Variants in GUCY2D observed in about 807,000 individuals in gnomAD.
GUCY2D encodes the protein guanylate cyclase 2D, retinal.
In GUCY2D, 70 loss-of-function variants were observed where a neutral mutation model predicts 101.3. The observed-to-expected ratio is 0.69, with a 90% CI of 0.57 to 0.84. GUCY2D has a LOEUF of 0.84. Among genes scored for constraint, GUCY2D ranks in the 40% least tolerant of loss-of-function variants. The probability of loss-of-function intolerance (pLI) is 0.00; values close to 1 mark genes in which losing one functional copy is unlikely to be tolerated. For synonymous variants in GUCY2D, 688 were observed against 670.7 expected (o/e 1.03, Z -0.40); for missense variants, 1,460 against 1,542.5 (o/e 0.95, Z 0.90).
rs148394581 is a variant in GUCY2D at position 8,011,338 on chromosome 17, G to A, written c.1750-806G>A. Among the ~76,000 whole-genome samples the A allele has an allele frequency of 4.0e-5, 6 of 151,818 alleles. No individual in the cohort carries two copies. The highest frequency in any genetic ancestry group is 4.2e-4 in the South Asian group (2 of 4,816). On this transcript the variant is annotated intron_variant, in intron 8 of 19. Transcript: ENST00000254854. The surrounding 1 kb of genome is among the most constrained non-coding windows in gnomAD (Gnocchi z 4.3). ...AGGTTGCAGTGACCCGAGATTGCAC[G>A]ACTGCAATCCAGCCTGGGTGACAGA...
chr17:8,004,258 C>A, intron 3 of GUCY2D, 102 bp downstream of exon 3: 1 of 1,103,906 alleles, frequency 9.1e-7, no homozygotes, highest in Non-Finnish European at 1.3e-6. Context: ...CCACTGGCAG[C>A]TCTAGCTGTT....
chr17:8,014,831 A>G lies in GUCY2D; in HGVS notation c.2577-28A>G. The G allele has an allele frequency of 1.2e-6, 2 of 1,613,716 alleles. No individual in the cohort carries two copies. The highest frequency in any genetic ancestry group is 1.7e-6 in the Non-Finnish European group (2 of 1,179,740). ...AGCCCAGCCAGGTAGAGTGGCCCCC[A>G]GGTGACCTCACTGCCTGCCATCCCT... On this transcript the variant is annotated intron_variant, in intron 13 of 19. Coordinates refer to ENST00000254854, the MANE Select transcript of GUCY2D (RefSeq NM_000180.4). This position sits in a 1 kb window ranked among gnomAD's most constrained non-coding sequence, Gnocchi z 4.0.
At position 8,014,639 on chromosome 17, in the gene GUCY2D, T is replaced by C; in HGVS notation, c.2451T>C (p.Ile817=). The part of the protein sequence containing the change: ...NINKGRKTNI[I]DSMLRMLEQY... Reference sequence around the variant, plus strand: ...ACAAGGGCCGGAAGACGAACATCATTGACTCGATGCTTCGGATGCTGGAGC... The same window carrying C: ...ACAAGGGCCGGAAGACGAACATCATCGACTCGATGCTTCGGATGCTGGAGC... The change falls in exon 13 of 20, where the codon ATT becomes ATC. Residue 817 remains isoleucine (I), a synonymous_variant. Transcript: ENST00000254854. The surrounding 1 kb of genome is among the most constrained non-coding windows in gnomAD (Gnocchi z 4.0). 1 of 1,614,102 alleles carries C rather than the reference T, an allele frequency of 6.2e-7. No homozygotes were observed. Among genetic ancestry groups the C allele is most frequent in the Non-Finnish European group, 8.5e-7 (1 of 1,179,968 alleles).
In GUCY2D at chr17:8,004,113, C is replaced by T. The variant is rs56280231; in HGVS notation, c.983C>T (p.Ala328Val). 1 of 1,599,506 alleles carries T rather than the reference C, an allele frequency of 6.3e-7. No homozygotes were observed. Among genetic ancestry groups the T allele is most frequent in the South Asian group, 1.1e-5 (1 of 90,970 alleles). The stretch of plus-strand genomic sequence containing the variant: ...AGCGTGCTGGACAGCCTGCGCAGGG[C>T]TCAAGAGCGCCGCGAGCTGCCCTCT... Reference protein sequence around the residue: ...EGSVLDSLRRAQERRELPSDL... With the variant: ...EGSVLDSLRRVQERRELPSDL... The change falls in exon 3 of 20, where the codon GCT (alanine) becomes GTT (valine). Residue 328 changes from alanine to valine, a missense_variant. Physicochemically the swap from Ala to Val is moderately conservative, Grantham distance 64. Around this residue, in one of 3 missense-constraint regions of GUCY2D, gnomAD observed 1,196 missense variants for 1,229.6 expected, o/e 0.97. Coordinates refer to ENST00000254854, the MANE Select transcript of GUCY2D (RefSeq NM_000180.4).
Position 8,011,952 on chromosome 17 carries a change from A to C in GUCY2D, c.1750-192A>C, listed in dbSNP as rs1975858237. 6.6e-6 allele frequency among the ~76,000 whole-genome samples: 1 copy of C among 152,202 alleles called. No homozygotes were observed. The highest frequency in any genetic ancestry group is 2.4e-5 in the African/African-American group (1 of 41,454). On this transcript the variant is annotated intron_variant, in intron 8 of 19. Transcript: ENST00000254854. The surrounding 1 kb of genome is among the most constrained non-coding windows in gnomAD (Gnocchi z 4.3). ...CTCAGTATCCAAACAGTGGCCTTTG[A>C]CTATATTGTTTTTTCCAAAAATAGG...
Position 8,002,799 on chromosome 17 carries a change from A to G in GUCY2D, c.-10+65A>G. The stretch of plus-strand genomic sequence containing the variant: ...TGAGGGCGCAGGCGAGTCCCTGCTG[A>G]CCCCTGACGCCTCCGACGGGGGGAG... On this transcript the variant is annotated intron_variant, in intron 1 of 19. Coordinates refer to ENST00000254854, the MANE Select transcript of GUCY2D (RefSeq NM_000180.4). This position sits in a 1 kb window ranked among gnomAD's most constrained non-coding sequence, Gnocchi z 4.9. The G allele has an allele frequency of 7.9e-6, 4 of 505,410 alleles. No individual in the cohort carries two copies. Among genetic ancestry groups the G allele is most frequent in the Non-Finnish European group, 1.0e-5 (3 of 287,776 alleles). The allele number at this position is 505,410 out of a possible 1,614,324, so 31.3% of individuals were successfully genotyped here. A position where few individuals can be genotyped will look rare whatever the true frequency, so the allele number is the denominator to read the frequency against.
rs766418901 is a variant in GUCY2D, at chr17:8,015,353, T to G, written c.2795T>G (p.Met932Arg). 2 of 1,609,898 alleles carry G rather than the reference T, an allele frequency of 1.2e-6. No homozygotes were observed. Among genetic ancestry groups the G allele is most frequent in the Admixed American group, 1.7e-5 (1 of 60,030 alleles). Reference protein sequence around the residue: ...YKVETIGDAYMVASGLPQRNG... With the variant: ...YKVETIGDAYRVASGLPQRNG... ...GTGGAGACAATAGGGGACGCCTATA[T>G]GGTGGCCTCGGGGCTGCCCCAGCGG... The change falls in exon 15 of 20, where the codon ATG (methionine) becomes AGG (arginine). Residue 932 changes from methionine to arginine, a missense_variant. Coordinates refer to ENST00000254854, the MANE Select transcript of GUCY2D (RefSeq NM_000180.4).
At chr17:8,006,186 G>A (rs976958240) in intron 3 of GUCY2D, among the ~76,000 whole-genome samples, 177 bp from the exon 4 acceptor site, 1 of 146,370 alleles carries the variant, frequency 6.8e-6, no homozygotes, top group Non-Finnish European at 1.5e-5. Context: ...AGCCAATGGG[G>A]AGGGAGGAAG....
intron 19 of GUCY2D, chr17:8,016,825 C>A (rs1307700033): frequency 4.5e-6 from 2 of 445,658 alleles, no homozygotes; most frequent in Admixed American, 7.5e-5. Flanking sequence ...AGTGCATAAA[C>A]CTGGCTTCCG....
In GUCY2D at chr17:8,006,718, A is replaced by T; in HGVS notation, c.1378+4A>T. The stretch of plus-strand genomic sequence containing the variant: ...CCAAACAACATCTGCGGTGGAGGTG[A>T]GGGCGAGCACCCCAGTCCCCACTGA... On this transcript the variant is annotated splice_donor_region_variant and intron_variant, in intron 4 of 19. Transcript: ENST00000254854. The T allele has an allele frequency of 1.9e-6, 3 of 1,595,112 alleles. No individual in the cohort carries two copies. Among genetic ancestry groups the T allele is most frequent in the Non-Finnish European group, 2.6e-6 (3 of 1,169,482 alleles).
Position 8,014,994 on chromosome 17 carries a change from G to C in GUCY2D, c.2712G>C (p.Leu904=). ...GTGAGCCCATTGAGGTTGTGGACCT[G>C]CTCAACGATCTCTACACACTCTTTG... ...AMSEPIEVVD[L]LNDLYTLFDA... Residue 904 remains leucine, a synonymous_variant, in exon 14 of 20, where the codon CTG becomes CTC. Coordinates refer to ENST00000254854, the MANE Select transcript of GUCY2D (RefSeq NM_000180.4). This position sits in a 1 kb window ranked among gnomAD's most constrained non-coding sequence, Gnocchi z 4.0. The C allele has an allele frequency of 6.2e-7, 1 of 1,613,504 alleles. No individual in the cohort carries two copies.
At position 8,013,170 on chromosome 17, in the gene GUCY2D, C is replaced by A. The variant is rs140628227; in HGVS notation, c.2181C>A (p.Gly727=). 5.1e-4 allele frequency: 818 copies of A among 1,613,976 alleles called. 4 individuals carry two copies. In the Middle Eastern group the frequency reaches 5.8e-3, roughly 11 times the overall value. The change falls in exon 11 of 20, where the codon GGC becomes GGA. Residue 727 remains glycine, a synonymous_variant. Coordinates refer to ENST00000254854, the MANE Select transcript of GUCY2D (RefSeq NM_000180.4). The surrounding 1 kb of genome is among the most constrained non-coding windows in gnomAD (Gnocchi z 5.0). ...PALERRGTLA[G]DVFSLAIIMQ... The stretch of plus-strand genomic sequence containing the variant: ...TGGAGCGCCGGGGAACGCTGGCCGG[C>A]GACGTCTTTAGCTTGGCCATCATCA...
At chr17:8,003,826 G>T (rs1469626845) in intron 2 of GUCY2D, 26 bp from the exon 3 acceptor site, 1 of 1,605,750 alleles carries the variant, frequency 6.2e-7, no homozygotes, top group East Asian at 2.2e-5. Context: ...GCCGGACGGC[G>T]CCGCGAGCCA....
At chr17:8,004,283 T>A in intron 3 of GUCY2D, 127 bp downstream of exon 3, 1 of 876,534 alleles carries the variant, frequency 1.1e-6, no homozygotes, top group Non-Finnish European at 1.7e-6. Flanking sequence ...GTTTCCTGGG[T>A]AATGTAGAGG....
chr17:8,010,331 G>A (rs1975825293), intron 8 of GUCY2D, among the ~76,000 whole-genome samples: 1 of 152,200 alleles, frequency 6.6e-6, no homozygotes, highest in African/African-American at 2.4e-5. Context: ...CAAGGAGGCT[G>A]TAAATGGCTT....
At chr17:8,010,271 G>A (rs938611562) in intron 8 of GUCY2D, among the ~76,000 whole-genome samples, 1 of 152,156 alleles carries the variant, frequency 6.6e-6, no homozygotes, top group Non-Finnish European at 1.5e-5. Context: ...GTTCTGTCAG[G>A]CCACTTGTGC....
chr17:8,014,925 GTACTT>G lies in GUCY2D; in HGVS notation c.2646_2650del (p.Tyr882Ter). 6.2e-7 allele frequency: 1 copy of G among 1,614,072 alleles called. No individual in the cohort carries two copies. Among genetic ancestry groups the G allele is most frequent in the Non-Finnish European group, 8.5e-7 (1 of 1,179,950 alleles). ...CCGAGTACTTTGAGCAAGTGACACT[GTACTT>G]TAGTGACATTGTGGGCTTCACCACC... On this transcript the variant is annotated frameshift_variant, in exon 14 of 20. Coordinates refer to ENST00000254854, the MANE Select transcript of GUCY2D (RefSeq NM_000180.4). LOFTEE classifies it high-confidence loss of function. This position sits in a 1 kb window ranked among gnomAD's most constrained non-coding sequence, Gnocchi z 4.0.
chr17:8,009,374 C>T (rs1975805312), intron 7 of GUCY2D, 132 bp from the exon 8 acceptor site: 2 of 772,758 alleles, frequency 2.6e-6, no homozygotes, highest in African/African-American at 3.4e-5. Context: ...CCCCTTGGTT[C>T]AATGCATTTT....
At chr17:8,016,367 C>T (rs938749440) in intron 18 of GUCY2D, 76 bp from the exon 19 acceptor site, 2 of 1,432,708 alleles carry the variant, frequency 1.4e-6, no homozygotes, top group Admixed American at 3.9e-5. Context: ...CCCCCGCGCG[C>T]GAGGCAGCGA....
Sources: allele counts gnomAD v4.1 joint callset (sites outside exome capture counted in the v4.1 genomes callset), GRCh38; gene constraint gnomAD v4.1.1; regional missense constraint gnomAD v4.1.1; non-coding constraint Gnocchi (gnomAD v3.1); transcripts MANE v1.5; gene names NCBI Gene and HGNC (gene_info 2026-07-23, HGNC 2026-07-21).